The following CIPC variants were observed in gnomAD, a reference collection of about 807,000 sequenced individuals.
The protein encoded by CIPC is CLOCK interacting pacemaker, also known as CLOCK-interacting pacemaker.
In CIPC, 12 loss-of-function variants were observed where a neutral mutation model predicts 26.7. The observed-to-expected ratio is 0.45, with a 90% confidence interval of 0.29 to 0.73. CIPC has a LOEUF of 0.73. Ranked by LOEUF, CIPC falls within the 30% of genes least tolerant of loss-of-function variation. The probability of loss-of-function intolerance (pLI) is 0.12; values close to 1 mark genes in which losing one functional copy is unlikely to be tolerated. For missense variants in CIPC, 417 were observed against 486.5 expected (o/e 0.86, Z 1.34); for synonymous variants, 170 against 189.8 (o/e 0.90, Z 0.86).
At chr14:77,100,351 C>T (rs541454976) in intron 1 of CIPC, among the ~76,000 whole-genome samples, 12 of 148,882 alleles carry the variant, frequency 8.1e-5, no homozygotes, top group East Asian at 2.0e-4. Flanking sequence ...AAGCTATTCT[C>T]GTGCCTCAGC....
chr14:77,106,585 T>A (rs1193808338), intron 2 of CIPC, among the ~76,000 whole-genome samples: 1 of 152,134 alleles, frequency 6.6e-6, no homozygotes, highest in Non-Finnish European at 1.5e-5. Context: ...AGAGGGGTGA[T>A]GCTGAGGGAT....
chr14:77,114,891 T>G lies in CIPC; in HGVS notation c.*573T>G, dbSNP rs888222140. 6.5e-6 allele frequency: 1 copy of G among 153,090 alleles called. No homozygotes were observed. Among genetic ancestry groups the G allele is most frequent in the African/African-American group, 2.4e-5 (1 of 41,468 alleles). The allele number at this position is 153,090 out of a possible 1,614,324, so 9.5% of individuals were successfully genotyped here. ...CACTTAATCACTCAACGCTTTGTTT[T>G]CTTACACTTGAAAATCAAGGGAAAG... On this transcript the variant is annotated 3_prime_UTR_variant, in exon 4 of 4. Coordinates refer to ENST00000361786, the MANE Select transcript of CIPC (RefSeq NM_033426.3).
At chr14:77,101,932 A>T (rs1453120500) in intron 1 of CIPC, among the ~76,000 whole-genome samples, 2 of 152,118 alleles carry the variant, frequency 1.3e-5, no homozygotes, top group African/African-American at 4.8e-5. Context: ...CAAAAAATTT[A>T]AAAATTAGCT....
chr14:77,098,754 G>GC (rs1236204607), intron 1 of CIPC: 5 of 152,718 alleles, frequency 3.3e-5, no homozygotes, highest in Non-Finnish European at 7.3e-5. Context: ...TAGTAACTGG[G>GC]CGAGGGTCCT....
rs1886576346 is a variant in CIPC, at chr14:77,105,642, A to G, written c.-52-15A>G. ...CTCTCCAGGCAGTGACTTCTTATAT[A>G]ATTGTTTTTCATAGGGCAGTCCAGA... On this transcript the variant is annotated splice_polypyrimidine_tract_variant and intron_variant, in intron 1 of 3. Transcript: ENST00000361786. The G allele has an allele frequency of 1.3e-6, 2 of 1,535,862 alleles. No individual in the cohort carries two copies. The highest frequency in any genetic ancestry group is 1.8e-6 in the Non-Finnish European group (2 of 1,133,798).
At chr14:77,105,130 C>T (rs908958658) in intron 1 of CIPC, among the ~76,000 whole-genome samples, 1 of 151,904 alleles carries the variant, frequency 6.6e-6, no homozygotes, top group African/African-American at 2.4e-5. Flanking sequence ...CTGTTCAATA[C>T]CTCAGCCAAA....
At chr14:77,106,679 A>G (rs1232700630) in intron 2 of CIPC, among the ~76,000 whole-genome samples, 1 of 152,188 alleles carries the variant, frequency 6.6e-6, no homozygotes, top group Non-Finnish European at 1.5e-5. Context: ...AAATCAATCA[A>G]TTTTGATTTA....
rs761840144 is a variant in CIPC at position 77,114,349 on chromosome 14, G to A, written c.*31G>A. On this transcript the variant is annotated 3_prime_UTR_variant, in exon 4 of 4. Transcript: ENST00000361786. ...AGGCATATTTTCCTGTTACTTGAGT[G>A]GTTCTTTTAGCTCATTTGCTGTTAC... 13 of 1,550,512 alleles carry A rather than the reference G, an allele frequency of 8.4e-6. No homozygotes were observed. In the Admixed American group the frequency reaches 1.4e-4, roughly 17 times the overall value.
chr14:77,100,052 G>A (rs1886447169), intron 1 of CIPC: 1 of 151,836 alleles, frequency 6.6e-6, no homozygotes, highest in South Asian at 2.1e-4. Flanking sequence ...AATGCCTCAT[G>A]TTAATTGTTG....
intron 3 of CIPC, among the ~76,000 whole-genome samples, chr14:77,111,901 T>C (rs78145076): frequency 0.029 from 4,488 of 152,260 alleles, 208 homozygotes; most frequent in African/African-American, 0.096. Flanking sequence ...ACAGGCTGAT[T>C]TCTACTTCAA....
chr14:77,105,770 G>A lies in CIPC; in HGVS notation c.62G>A (p.Gly21Asp), dbSNP rs1425450581. ...AGACTCTCTGCCAAAGTAGGCAAAGGCACAGAGATGAAGAAAGTGGCTCGT... is the reference window on the plus strand; with the variant it reads ...AGACTCTCTGCCAAAGTAGGCAAAGACACAGAGATGAAGAAAGTGGCTCGT... ...PRRLSAKVGK[G>D]TEMKKVARQL... is the part of the protein sequence containing the mutation. The change falls in exon 2 of 4, where the codon GGC becomes GAC. Residue 21 changes from glycine to aspartate, a missense_variant. By Grantham distance (94) the Gly-to-Asp change is moderately conservative. Transcript: ENST00000361786. The A allele has an allele frequency of 1.2e-6, 2 of 1,614,130 alleles. No individual in the cohort carries two copies. The highest frequency in any genetic ancestry group is 2.2e-5 in the South Asian group (2 of 91,074).
At position 77,115,879 on chromosome 14, in the gene CIPC, T is replaced by TACAAAA. The variant is rs1886802888; in HGVS notation, c.*1561_*1562insACAAAA. 3 of 152,044 alleles carry TACAAAA rather than the reference T, an allele frequency of 2.0e-5. No homozygotes were observed. The highest frequency in any genetic ancestry group is 4.4e-5 in the Non-Finnish European group (3 of 68,030). The allele number at this position is 152,044 out of a possible 1,614,324, so 9.4% of individuals were successfully genotyped here. Reference sequence around the variant, plus strand: ...TTTTGTATTTTTAGTAGAAATGGGGTTTTACCGTGTTGGCCAGGCTGGTCT... The same window carrying TACAAAA: ...TTTTGTATTTTTAGTAGAAATGGGGTACAAAATTTACCGTGTTGGCCAGGCTGGTCT... On this transcript the variant is annotated 3_prime_UTR_variant, in exon 4 of 4. Coordinates refer to ENST00000361786, the MANE Select transcript of CIPC (RefSeq NM_033426.3).
rs1886829009 is a variant in CIPC at position 77,117,242 on chromosome 14, A to C, written c.*2924A>C. On this transcript the variant is annotated 3_prime_UTR_variant, in exon 4 of 4. Transcript: ENST00000361786. The stretch of plus-strand genomic sequence containing the variant: ...AAAGTATGAAGTTTTGCAGAAATTG[A>C]CTGTGAAATGTCAGAGAAAAATAAA... 6.6e-6 allele frequency: 1 copy of C among 152,614 alleles called. No individual in the cohort carries two copies. The highest frequency in any genetic ancestry group is 1.5e-5 in the Non-Finnish European group (1 of 68,044). The allele number at this position is 152,614 out of a possible 1,614,324, so 9.5% of individuals were successfully genotyped here.
intron 1 of CIPC, among the ~76,000 whole-genome samples, chr14:77,103,406 T>G (rs145460643): frequency 7.9e-5 from 12 of 152,304 alleles, no homozygotes; most frequent in Admixed American, 3.9e-4. Context: ...GGGCTTGTGT[T>G]TTTCTTCACT....
chr14:77,102,838 C>T (rs1273229114), intron 1 of CIPC, among the ~76,000 whole-genome samples: 1 of 152,210 alleles, frequency 6.6e-6, no homozygotes, highest in Non-Finnish European at 1.5e-5. Context: ...GGCTTCTATT[C>T]ACTTTTGGAC....
Position 77,116,367 on chromosome 14 carries a change from G to A in CIPC, c.*2049G>A, listed in dbSNP as rs1221011177. 1.3e-5 allele frequency: 2 copies of A among 152,160 alleles called. No individual in the cohort carries two copies. The allele number at this position is 152,160 out of a possible 1,614,324, so 9.4% of individuals were successfully genotyped here. On this transcript the variant is annotated 3_prime_UTR_variant, in exon 4 of 4. Coordinates refer to ENST00000361786, the MANE Select transcript of CIPC (RefSeq NM_033426.3). Reference sequence around the variant, plus strand: ...CACCATGCTAGGAAGCTTCCTTTTTGGCAGAATATGTTTGGCAGCAAAGCT... The same window carrying A: ...CACCATGCTAGGAAGCTTCCTTTTTAGCAGAATATGTTTGGCAGCAAAGCT...
chr14:77,109,832 A>G lies in CIPC; in HGVS notation c.157A>G (p.Ser53Gly), dbSNP rs2140032658. 1 of 1,613,678 alleles carries G rather than the reference A, an allele frequency of 6.2e-7. No individual in the cohort carries two copies. The highest frequency in any genetic ancestry group is 1.1e-5 in the South Asian group (1 of 91,056). The change falls in exon 3 of 4, where the codon AGC (serine) becomes GGC (glycine). Residue 53 changes from serine (S) to glycine (G), a missense_variant. Ser to Gly is a moderately conservative substitution (Grantham distance 56). Coordinates refer to ENST00000361786, the MANE Select transcript of CIPC (RefSeq NM_033426.3). The part of the protein sequence containing the change: ...GFSDGSSECL[S>G]SAEQMESEDM... Reference sequence around the variant, plus strand: ...ACCAGATGGGAGCTCGGAATGTCTGAGCTCTGCAGAGCAGATGGAGTCCGA... The same window carrying G: ...ACCAGATGGGAGCTCGGAATGTCTGGGCTCTGCAGAGCAGATGGAGTCCGA...
At position 77,105,676 on chromosome 14, in the gene CIPC, G is replaced by A; in HGVS notation, c.-33G>A. The stretch of plus-strand genomic sequence containing the variant: ...TCATAGGGCAGTCCAGATGAAAAGA[G>A]TACCAATGAATCTGCCTCCAGCTGA... On this transcript the variant is annotated 5_prime_UTR_variant, in exon 2 of 4. Transcript: ENST00000361786. The A allele has an allele frequency of 6.2e-7, 1 of 1,607,250 alleles. No homozygotes were observed. The highest frequency in any genetic ancestry group is 8.5e-7 in the Non-Finnish European group (1 of 1,177,012).
rs772315030 is a variant in CIPC at position 77,105,659 on chromosome 14, C to T, written c.-50C>T. On this transcript the variant is annotated splice_region_variant and 5_prime_UTR_variant, in exon 2 of 4. Transcript: ENST00000361786. ...TCTTATATAATTGTTTTTCATAGGG[C>T]AGTCCAGATGAAAAGAGTACCAATG... 1.9e-6 allele frequency: 3 copies of T among 1,588,334 alleles called. No individual in the cohort carries two copies. Among genetic ancestry groups the T allele is most frequent in the African/African-American group, 2.7e-5 (2 of 73,680 alleles).
Sources: allele counts gnomAD v4.1 joint callset (sites outside exome capture counted in the v4.1 genomes callset), GRCh38; gene constraint gnomAD v4.1.1; transcripts MANE v1.5; gene names NCBI Gene and HGNC (gene_info 2026-07-23, HGNC 2026-07-21).